Variants in APBB2 observed in about 807,000 individuals in gnomAD.
APBB2 encodes the protein amyloid beta precursor protein binding family B member 2.
A neutral mutation model predicts 82.5 loss-of-function variants in APBB2; 38 were observed. The ratio of observed to expected loss-of-function variants is 0.46; its 90% confidence interval spans 0.36 to 0.60. APBB2 has a LOEUF of 0.60. Among genes scored for constraint, APBB2 ranks in the 20% least tolerant of loss-of-function variants. The pLI, the probability that APBB2 is intolerant of heterozygous loss-of-function variation, is 0.00. For synonymous variants in APBB2, 341 were observed against 368.2 expected (o/e 0.93, Z 0.85); for missense variants, 772 against 972.3 (o/e 0.79, Z 2.74).
At chr4:40,945,097 G>T in intron 6 of APBB2, 24 bp from the exon 7 acceptor site, 5 of 1,263,700 alleles carry the variant, frequency 4.0e-6, no homozygotes, top group Non-Finnish European at 4.5e-6. Flanking sequence ...GGGCGGGGCG[G>T]GGGGAGAAAG....
intron 12 of APBB2, among the ~76,000 whole-genome samples, chr4:40,835,781 C>T (rs372939224): frequency 2.6e-5 from 4 of 152,100 alleles, no homozygotes; most frequent in East Asian, 1.9e-4. Flanking sequence ...GGTGGTCCAG[C>T]GCAGGGGGAT....
chr4:40,827,943 A>G (rs1750515611), intron 13 of APBB2, among the ~76,000 whole-genome samples: 1 of 152,044 alleles, frequency 6.6e-6, no homozygotes, highest in Non-Finnish European at 1.5e-5. Context: ...TTTCCCCCAT[A>G]CTGTTCTCGT....
chr4:41,135,691 C>T (rs1333509641), intron 2 of APBB2, among the ~76,000 whole-genome samples: 1 of 152,070 alleles, frequency 6.6e-6, no homozygotes, highest in African/African-American at 2.4e-5. Context: ...AAAACCTATA[C>T]TTCACAGATT....
chr4:41,109,721 C>A (rs190987535), intron 2 of APBB2, among the ~76,000 whole-genome samples: 10 of 152,302 alleles, frequency 6.6e-5, no homozygotes, highest in African/African-American at 2.4e-4. Context: ...CTGCCCGCCT[C>A]GGCCTCCCAA....
chr4:41,081,145 ATG>A (rs1737472408), intron 3 of APBB2, among the ~76,000 whole-genome samples: 5 of 152,336 alleles, frequency 3.3e-5, no homozygotes, highest in Admixed American at 3.3e-4. Context: ...GAGTTACACT[ATG>A]CTCACATGGT....
intron 17 of APBB2, among the ~76,000 whole-genome samples, chr4:40,818,055 A>T (rs1746423425): frequency 6.6e-6 from 1 of 152,242 alleles, no homozygotes; most frequent in South Asian, 2.1e-4. Flanking sequence ...AATTTTGCCA[A>T]AATGTCTTCT....
chr4:41,058,213 A>G (rs1009053378), intron 4 of APBB2, among the ~76,000 whole-genome samples: 1 of 152,084 alleles, frequency 6.6e-6, no homozygotes, highest in Non-Finnish European at 1.5e-5. Context: ...GCATCCAAAC[A>G]AAAAGGACAC....
intron 1 of APBB2, chr4:41,177,633 G>A (rs982826965): frequency 1.1e-4 from 17 of 152,162 alleles, no homozygotes; most frequent in African/African-American, 3.6e-4. Context: ...CACACACCTG[G>A]TCTGGGTCCA....
Position 41,025,961 on chromosome 4 carries a change from A to G in APBB2, c.19+7275T>C, listed in dbSNP as rs1713972107. ...CATCTCCACAAAAAAAAAAAAAAAA[A>G]AAGAAAAAAAGGAAAATGTGGTACA... On this transcript the variant is annotated intron_variant, in intron 5 of 17. Transcript: ENST00000508593. 5.3e-5 allele frequency among the ~76,000 whole-genome samples: 8 copies of G among 149,960 alleles called. No individual in the cohort carries two copies. In the South Asian group the frequency reaches 1.7e-3, roughly 31 times the overall value.
chr4:40,880,827 TG>T (rs1212714685), intron 12 of APBB2: 2 of 985,226 alleles, frequency 2.0e-6, no homozygotes, highest in African/African-American at 3.5e-5. Context: ...TGGCTGCTAC[TG>T]AAACATGCTC....
chr4:40,846,117 A>G (rs904672624), intron 12 of APBB2, among the ~76,000 whole-genome samples: 3 of 151,752 alleles, frequency 2.0e-5, no homozygotes, highest in Non-Finnish European at 4.4e-5. Context: ...CATCTGTGAA[A>G]TGGGAATCAT....
At chr4:40,999,067 C>G (rs11946514) in intron 6 of APBB2, among the ~76,000 whole-genome samples, 1 of 152,040 alleles carries the variant, frequency 6.6e-6, no homozygotes, top group Non-Finnish European at 1.5e-5. Context: ...AAACTGTGAA[C>G]AAGGACTACT....
chr4:40,929,132 G>A (rs1340778386), intron 10 of APBB2, among the ~76,000 whole-genome samples: 1 of 151,612 alleles, frequency 6.6e-6, no homozygotes, highest in Non-Finnish European at 1.5e-5. Context: ...CTGGAGAAGG[G>A]GCTATGAGAA....
chr4:41,142,535 C>T (rs1437532912), intron 2 of APBB2, among the ~76,000 whole-genome samples: 2 of 152,198 alleles, frequency 1.3e-5, no homozygotes, highest in African/African-American at 4.8e-5. Flanking sequence ...ATTATCCCAA[C>T]AGAAATGGCA....
chr4:40,914,087 T>C (rs995157907), intron 10 of APBB2, among the ~76,000 whole-genome samples: 1 of 151,592 alleles, frequency 6.6e-6, no homozygotes, highest in Non-Finnish European at 1.5e-5. Flanking sequence ...AATACAAAAA[T>C]TGGCCAGGCA....
intron 6 of APBB2, among the ~76,000 whole-genome samples, chr4:40,955,339 A>G (rs548678093): frequency 6.6e-6 from 1 of 152,356 alleles, no homozygotes; most frequent in East Asian, 1.9e-4. Flanking sequence ...TTACAACAGA[A>G]AGGTCACTCG....
intron 1 of APBB2, among the ~76,000 whole-genome samples, chr4:41,153,985 T>C (rs1427154228): frequency 6.6e-6 from 1 of 152,144 alleles, no homozygotes; most frequent in African/African-American, 2.4e-5. Flanking sequence ...TACTGAGGAT[T>C]TGTGAGAAAT....
Position 40,816,085 on chromosome 4 carries a change from T to G in APBB2, c.*7A>C. On this transcript the variant is annotated 3_prime_UTR_variant, in exon 18 of 18. Transcript: ENST00000508593. ...AGGTAAATAGCCGAGTCCTTTTGCA[T>G]GTGCAGCTATGGCATTTCGGTGACA... 2 of 1,610,174 alleles carry G rather than the reference T, an allele frequency of 1.2e-6. No individual in the cohort carries two copies. The highest frequency in any genetic ancestry group is 2.2e-5 in the East Asian group (1 of 44,788).
At chr4:41,204,602 T>C (rs1394639136) in intron 1 of APBB2, among the ~76,000 whole-genome samples, 7 of 152,188 alleles carry the variant, frequency 4.6e-5, no homozygotes, top group Admixed American at 3.9e-4. Flanking sequence ...CTCCCAGTAA[T>C]ACGTATCACA....
Sources: allele counts gnomAD v4.1 joint callset (sites outside exome capture counted in the v4.1 genomes callset), GRCh38; gene constraint gnomAD v4.1.1; transcripts MANE v1.5; gene names NCBI Gene and HGNC (gene_info 2026-07-23, HGNC 2026-07-21).